Variants in XIST observed in about 807,000 individuals in gnomAD.
The protein encoded by XIST is X inactive specific transcript, also known as X inactive specific transcript (non-protein coding).
exon 6 of XIST, chrX:73,826,175 G>C (rs772918340): frequency 2.8e-4 from 156 of 557,717 alleles, no homozygotes; most frequent in Non-Finnish European, 4.9e-5. Flanking sequence ...GCACATCTGT[G>C]TATTTCTTGT....
exon 6 of XIST, chrX:73,823,264 A>G (rs750043080): frequency 1.0e-4 from 51 of 502,101 alleles, no homozygotes; most frequent in Non-Finnish European, 1.7e-4. Context: ...TCCTGAAACT[A>G]GGAAAAATGT....
At chrX:73,848,004 G>A in exon 1 of XIST, 1 of 559,324 alleles carries the variant, frequency 1.8e-6, no homozygotes, top group Non-Finnish European at 3.2e-6. Context: ...GTCTTGACTA[G>A]AGGTCATCCA....
At chrX:73,827,909 A>G in exon 6 of XIST, 1 of 528,266 alleles carries the variant, frequency 1.9e-6, no homozygotes, top group South Asian at 2.4e-5. Flanking sequence ...CAAGAGAAAC[A>G]TGGAAATGGG....
exon 6 of XIST, chrX:73,821,417 G>T (rs746454132): frequency 9.0e-6 from 5 of 555,914 alleles, no homozygotes; most frequent in Admixed American, 2.2e-5. Context: ...GACAAGAAGG[G>T]TCACACTGAT....
exon 1 of XIST, chrX:73,852,305 A>G: frequency 1.8e-6 from 1 of 543,402 alleles, no homozygotes; most frequent in Non-Finnish European, 3.3e-6. Context: ...CGAATAAAAA[A>G]GAATTAAAAG....
chrX:73,842,110 G>T (rs1922605114), exon 1 of XIST: 1 of 532,376 alleles, frequency 1.9e-6, no homozygotes, highest in African/African-American at 2.3e-5. Flanking sequence ...GGATATTTTG[G>T]CTTCAAAAAA....
At chrX:73,852,708 G>C (rs750347857) in exon 1 of XIST, 1 of 435,473 alleles carries the variant, frequency 2.3e-6, no homozygotes, top group South Asian at 4.1e-5. Flanking sequence ...GAGAGAGTAA[G>C]AAATATGGCT....
exon 6 of XIST, chrX:73,823,596 A>T (rs1435943426): frequency 7.2e-6 from 4 of 556,512 alleles, no homozygotes; most frequent in Non-Finnish European, 1.3e-5. Flanking sequence ...TCTGTAGGCC[A>T]GGTCAAGGTG....
In XIST at chrX:73,833,251, T is replaced by A. The variant is rs1251195047; in HGVS notation, n.11530A>T. ...TCCCCAAACTACCTTTTTCTCCAGA[T>A]AGCTGGCAACCCATCCAAGTAGATT... On this transcript the variant is annotated non_coding_transcript_exon_variant, in exon 3 of 6. Transcript: ENST00000429829. 3 of 554,995 alleles carry A rather than the reference T, an allele frequency of 5.4e-6. No homozygotes were observed. In the African/African-American group the frequency reaches 6.7e-5, roughly 12 times the overall value. The allele number at this position is 554,995 out of a possible 1,213,427, so 45.7% of individuals were successfully genotyped here. A position where few individuals can be genotyped will look rare whatever the true frequency, so the allele number is the denominator to read the frequency against.
At chrX:73,850,461 A>G (rs1370318305) in exon 1 of XIST, 1 of 545,867 alleles carries the variant, frequency 1.8e-6, no homozygotes, top group South Asian at 2.3e-5. Flanking sequence ...ATCAGACTGT[A>G]TGACTGACAT....
chrX:73,829,297 T>C, intron 4 of XIST: 1 of 476,602 alleles, frequency 2.1e-6, no homozygotes, highest in Admixed American at 2.9e-5. Context: ...TAGAGTTACA[T>C]AAGATTCAAA....
chrX:73,828,462 T>C (rs1283602827), intron 5 of XIST: 1 of 117,079 alleles, frequency 8.5e-6, no homozygotes, highest in African/African-American at 3.2e-5. Flanking sequence ...TAGCAGAGGA[T>C]TTAAAACACA....
exon 6 of XIST, chrX:73,826,936 C>T (rs1922268497): frequency 1.8e-6 from 1 of 556,691 alleles, no homozygotes; most frequent in Non-Finnish European, 3.2e-6. Context: ...GACTTCCATC[C>T]AACTCAGGCC....
exon 1 of XIST, chrX:73,852,211 A>T: frequency 5.4e-6 from 3 of 551,639 alleles, no homozygotes; most frequent in Non-Finnish European, 6.5e-6. Flanking sequence ...GGGGGTTCAG[A>T]GGGGAAGGGA....
Position 73,847,960 on chromosome X carries a change from T to A in XIST, n.4764A>T, listed in dbSNP as rs371220816. ...TCTGAAAGACATTGTTGTGATCAGT[T>A]GCCATGGTTCACATTAACTATCCTA... On this transcript the variant is annotated non_coding_transcript_exon_variant, in exon 1 of 6. Coordinates refer to ENST00000429829, the Ensembl canonical transcript of XIST. 36 of 557,611 alleles carry A rather than the reference T, an allele frequency of 6.5e-5. No homozygotes were observed. In the African/African-American group the frequency reaches 7.4e-4, roughly 11 times the overall value. 46.0% of individuals were successfully genotyped at this position (557,611 alleles called of 1,213,427 possible).
At chrX:73,850,982 A>G (rs1922923507) in exon 1 of XIST, 1 of 557,817 alleles carries the variant, frequency 1.8e-6, no homozygotes, top group African/African-American at 2.2e-5. Flanking sequence ...TGGCCCCTCC[A>G]CTTCTTTCTC....
At chrX:73,840,448 C>T (rs1248577559) in intron 1 of XIST, among the ~76,000 whole-genome samples, 1 of 111,137 alleles carries the variant, frequency 9.0e-6, no homozygotes, top group African/African-American at 3.3e-5. Flanking sequence ...AAAAAAGTTT[C>T]GAATGTTATG....
chrX:73,849,089 G>GA, exon 1 of XIST: 2 of 559,137 alleles, frequency 3.6e-6, no homozygotes, highest in Admixed American at 4.4e-5. Context: ...AATAATTTAA[G>GA]AAACTCTTAA....
exon 1 of XIST, chrX:73,852,105 T>TAAAA: frequency 2.4e-6 from 1 of 420,699 alleles, no homozygotes; most frequent in Admixed American, 3.7e-5. Flanking sequence ...CAAGGAAAAA[T>TAAAA]AAAAAAAAAA....
Sources: gnomAD v4.1 joint callset for allele counts (sites outside exome capture counted in the v4.1 genomes callset) on GRCh38, gnomAD v4.1.1 for gene constraint, MANE v1.5 for transcripts, NCBI Gene and HGNC (gene_info 2026-07-23, HGNC 2026-07-21) for gene names.